CLASP1: variants seen among roughly 807,000 people sequenced by gnomAD.
The protein encoded by CLASP1 is cytoplasmic linker associated protein 1.
In CLASP1, 38 loss-of-function variants were observed where a neutral mutation model predicts 192.3. That is an observed-to-expected ratio of 0.20 (90% CI 0.15 to 0.26). The LOEUF is 0.26. CLASP1 is among the 10% of genes least tolerant of loss of function. CLASP1 has a pLI of 1.00. For missense variants in CLASP1, 1,433 were observed against 1,932.5 expected (o/e 0.74, Z 4.85); for synonymous variants, 691 against 712.8 (o/e 0.97, Z 0.49).
intron 2 of CLASP1, among the ~76,000 whole-genome samples, chr2:121,588,931 G>A (rs1273598513): frequency 1.3e-5 from 2 of 152,198 alleles, no homozygotes; most frequent in African/African-American, 4.8e-5. Context: ...ACAATGCATA[G>A]GCTGAGGGTT....
intron 19 of CLASP1, among the ~76,000 whole-genome samples, chr2:121,434,527 AAGTGC>A (rs1392549815): frequency 6.6e-6 from 1 of 152,008 alleles, no homozygotes; most frequent in African/African-American, 2.4e-5. Flanking sequence ...TGGCCTCCCA[AAGTGC>A]TCAGATTATA....
chr2:121,536,776 G>T (rs1466619808), intron 2 of CLASP1, among the ~76,000 whole-genome samples: 1 of 152,184 alleles, frequency 6.6e-6, no homozygotes, highest in East Asian at 1.9e-4. Context: ...TGGCTGCCAG[G>T]GATTGTGGAA....
chr2:121,407,816 TA>T (rs746101769), intron 24 of CLASP1, 101 bp from the exon 26 acceptor site: 5 of 1,332,580 alleles, frequency 3.8e-6, no homozygotes, highest in Non-Finnish European at 5.4e-6. Flanking sequence ...GAGTTAAGTG[TA>T]AAAAGACACA....
At chr2:121,606,707 T>A (rs2064463122) in intron 1 of CLASP1, among the ~76,000 whole-genome samples, 1 of 152,140 alleles carries the variant, frequency 6.6e-6, no homozygotes, top group African/African-American at 2.4e-5. Flanking sequence ...TACTTTACAA[T>A]GGAGTAAGTG....
At chr2:121,398,900 T>C (rs935996779) in intron 28 of CLASP1, among the ~76,000 whole-genome samples, 10 of 152,194 alleles carry the variant, frequency 6.6e-5, no homozygotes, top group Non-Finnish European at 1.5e-4. Context: ...CGACAAAACA[T>C]TTCCCATCCA....
rs2066124457 is a variant in CLASP1, at chr2:121,614,415, GA to G, written c.-285-8236del. Among the ~76,000 whole-genome samples, 5 of 152,130 alleles carry G rather than the reference GA, an allele frequency of 3.3e-5. No individual in the cohort carries two copies. In the South Asian group the frequency reaches 8.3e-4, roughly 25 times the overall value. ...AGAGGCTGAGGCAGGGAAATCACTT[GA>G]GCCTGGGAGGCAGAGTTTGTGGTGA... On this transcript the variant is annotated intron_variant, in intron 1 of 39. Coordinates refer to ENST00000263710, the Ensembl canonical transcript of CLASP1.
chr2:121,621,199 C>T (rs115454389), intron 1 of CLASP1, among the ~76,000 whole-genome samples: 1,808 of 151,686 alleles, frequency 0.012, 23 homozygotes, highest in African/African-American at 0.041. Context: ...CCAGCCTCAG[C>T]GACAGAGTGA....
At chr2:121,556,471 T>C (rs1351048382) in intron 2 of CLASP1, among the ~76,000 whole-genome samples, 1 of 152,182 alleles carries the variant, frequency 6.6e-6, no homozygotes, top group African/African-American at 2.4e-5. Flanking sequence ...GCCTCCTGGC[T>C]GTTCATCAGA....
chr2:121,499,742 C>T (rs983463923), intron 8 of CLASP1, among the ~76,000 whole-genome samples: 3 of 151,902 alleles, frequency 2.0e-5, no homozygotes, highest in African/African-American at 4.8e-5. Context: ...CCACCTGGGT[C>T]TCTCCCAAGC....
intron 2 of CLASP1, among the ~76,000 whole-genome samples, chr2:121,579,558 G>A (rs2105537692): frequency 6.6e-6 from 1 of 152,302 alleles, no homozygotes; most frequent in Middle Eastern, 3.4e-3. Context: ...TGGTGAAGGG[G>A]AGAGGAAGAT....
At chr2:121,490,319 A>G (rs1274205506) in intron 8 of CLASP1, 3 of 454,052 alleles carry the variant, frequency 6.6e-6, no homozygotes, top group Non-Finnish European at 1.3e-5. Context: ...CCAAATAAAA[A>G]CACTGCTCTG....
At chr2:121,404,498 A>C in intron 25 of CLASP1, 64 bp from the exon 27 acceptor site, 1 of 1,419,608 alleles carries the variant, frequency 7.0e-7, no homozygotes, top group Non-Finnish European at 9.7e-7. Context: ...ACAGGGTCTC[A>C]CTCTATTACC....
At chr2:121,536,378 GAA>G (rs59632661) in intron 2 of CLASP1, among the ~76,000 whole-genome samples, 3 of 48,310 alleles carry the variant, frequency 6.2e-5, no homozygotes, top group African/African-American at 8.6e-5. Context: ...AAGACTGTCT[GAA>G]AAAAAAAAAA....
intron 20 of CLASP1, 25 bp from the exon 21 acceptor site, chr2:121,427,455 G>A: frequency 6.2e-7 from 1 of 1,612,280 alleles, no homozygotes. Context: ...CAGACCAAAG[G>A]ACAGGCAAAA....
At chr2:121,478,800 CCA>C (rs1418634141) in intron 8 of CLASP1, among the ~76,000 whole-genome samples, 11 of 21,670 alleles carry the variant, frequency 5.1e-4, no homozygotes, top group African/African-American at 6.4e-4. Context: ...ACACCACACA[CCA>C]CACACACACC....
At chr2:121,387,338 A>C (rs1200918070) in intron 31 of CLASP1, 110 bp from the exon 33 acceptor site, 1 of 788,764 alleles carries the variant, frequency 1.3e-6, no homozygotes, top group East Asian at 2.9e-5. Flanking sequence ...GAATCTGCCC[A>C]GGATGGTTTT....
chr2:121,351,896 T>G lies in CLASP1; in HGVS notation c.4207-3178A>C, dbSNP rs373443096. On this transcript the variant is annotated intron_variant, in intron 37 of 39. Transcript: ENST00000263710. ...TCCAACTCTCAAGCACCTCGTAAGA[T>G]TCTTTCCTCTCATTTGTGCTCTGTG... is the stretch of plus-strand genomic sequence containing the variant. Among the ~76,000 whole-genome samples the G allele has an allele frequency of 1.6e-4, 25 of 152,350 alleles. 2 individuals are homozygous for G. In the South Asian group the frequency reaches 4.8e-3, roughly 29 times the overall value.
intron 19 of CLASP1, chr2:121,445,611 T>C: frequency 2.1e-6 from 1 of 470,948 alleles, no homozygotes; most frequent in Non-Finnish European, 3.7e-6. Context: ...TATATTTCAA[T>C]TTTTTGGTGT....
chr2:121,550,051 C>T (rs2057892721), intron 2 of CLASP1, among the ~76,000 whole-genome samples: 1 of 150,128 alleles, frequency 6.7e-6, no homozygotes, highest in African/African-American at 2.4e-5. Flanking sequence ...CAAACACACT[C>T]TTGGACCACA....
Sources: gnomAD v4.1 joint callset for allele counts (sites outside exome capture counted in the v4.1 genomes callset) on GRCh38, gnomAD v4.1.1 for gene constraint, MANE v1.5 for transcripts, NCBI Gene and HGNC (gene_info 2026-07-23, HGNC 2026-07-21) for gene names.